GPR158: variants seen among roughly 807,000 people sequenced by gnomAD.
The protein encoded by GPR158 is metabotropic glycine receptor.
In GPR158, 30 loss-of-function variants were observed where a neutral mutation model predicts 78.2. That is an observed-to-expected ratio of 0.38 (90% CI 0.29 to 0.52). The LOEUF (loss-of-function observed/expected upper bound fraction) is 0.52, where lower values mean the gene tolerates loss of function less well. GPR158 is among the 20% of genes least tolerant of loss of function. GPR158 has a pLI of 0.83. For missense variants in GPR158, 1,463 were observed against 1,523.5 expected, an observed-to-expected ratio of 0.96 and a Z score of 0.66; for synonymous variants, 581 against 591.1, an observed-to-expected ratio of 0.98 and a Z score of 0.25.
At chr10:25,290,695 A>G (rs1404000218) in intron 2 of GPR158, among the ~76,000 whole-genome samples, 1 of 152,130 alleles carries the variant, frequency 6.6e-6, no homozygotes, top group Non-Finnish European at 1.5e-5. Context: ...TGTATCAGGC[A>G]AATGATTTCA....
At chr10:25,508,037 C>T (rs1484759984) in intron 5 of GPR158, among the ~76,000 whole-genome samples, 1 of 152,104 alleles carries the variant, frequency 6.6e-6, no homozygotes, top group Non-Finnish European at 1.5e-5. Flanking sequence ...TGGAAATTTC[C>T]ACCTGAATTC....
intron 2 of GPR158, among the ~76,000 whole-genome samples, chr10:25,327,746 A>G (rs1855057132): frequency 6.6e-6 from 1 of 152,236 alleles, no homozygotes; most frequent in African/African-American, 2.4e-5. Context: ...TGGAAACTGA[A>G]AAGTTGACAA....
chr10:25,188,183 A>C (rs1169154190), intron 1 of GPR158, among the ~76,000 whole-genome samples: 1 of 152,198 alleles, frequency 6.6e-6, no homozygotes, highest in Non-Finnish European at 1.5e-5. Context: ...AGGAAGAATC[A>C]ATATCATGAA....
chr10:25,506,923 T>G (rs1243033032), intron 5 of GPR158, among the ~76,000 whole-genome samples: 1 of 152,034 alleles, frequency 6.6e-6, no homozygotes, highest in Non-Finnish European at 1.5e-5. Flanking sequence ...CACAAAGGAG[T>G]TTTGACTGTA....
chr10:25,260,101 A>G (rs76008939), intron 2 of GPR158, among the ~76,000 whole-genome samples: 2,213 of 152,140 alleles, frequency 0.015, 19 homozygotes, highest in Non-Finnish European at 0.025. Flanking sequence ...GAATTTCTAT[A>G]TTTTCCCTGC....
At chr10:25,339,674 C>G (rs992671079) in intron 2 of GPR158, among the ~76,000 whole-genome samples, 2 of 152,004 alleles carry the variant, frequency 1.3e-5, no homozygotes, top group Non-Finnish European at 2.9e-5. Flanking sequence ...TAAGGAAGGT[C>G]CCTTCTCTTC....
intron 5 of GPR158, among the ~76,000 whole-genome samples, chr10:25,486,912 T>G (rs2987837): frequency 0.71 from 107,712 of 151,922 alleles, 38,880 homozygotes; most frequent in East Asian, 0.99. Flanking sequence ...TTTCCAGTTG[T>G]TTTATTTCTA....
chr10:25,595,685 T>C (rs981573454), intron 9 of GPR158, among the ~76,000 whole-genome samples: 2 of 152,194 alleles, frequency 1.3e-5, no homozygotes, highest in Admixed American at 1.3e-4. Flanking sequence ...TGGGCAAATC[T>C]ATAGAAACAT....
Position 25,363,007 on chromosome 10 carries a change from GT to G in GPR158, c.1009-32897del, listed in dbSNP as rs1855663878. Among the ~76,000 whole-genome samples, 4 of 151,670 alleles carry G rather than the reference GT, an allele frequency of 2.6e-5. 1 individual carries two copies. Among genetic ancestry groups the G allele is most frequent in the African/African-American group, 9.7e-5 (4 of 41,410 alleles). ...TGTTCACAATATATGGTTGAATCATGTTTTTTTACATCATTTTTTTCTGCTA... is the reference window on the plus strand; with the variant it reads ...TGTTCACAATATATGGTTGAATCATGTTTTTTACATCATTTTTTTCTGCTA... On this transcript the variant is annotated intron_variant, in intron 2 of 10. Coordinates refer to ENST00000376351, the MANE Select transcript of GPR158 (RefSeq NM_020752.3).
intron 4 of GPR158, among the ~76,000 whole-genome samples, chr10:25,444,871 C>T (rs1339443311): frequency 6.6e-6 from 1 of 152,070 alleles, no homozygotes; most frequent in African/African-American, 2.4e-5. Flanking sequence ...GCTTCTGATC[C>T]ATGACTGAAA....
intron 1 of GPR158, among the ~76,000 whole-genome samples, chr10:25,208,647 C>A (rs111298789): frequency 6.0e-5 from 9 of 150,604 alleles, no homozygotes; most frequent in African/African-American, 2.2e-4. Flanking sequence ...AGCACTGGAA[C>A]TGTGTCACAT....
intron 2 of GPR158, among the ~76,000 whole-genome samples, chr10:25,367,281 A>G (rs1488801871): frequency 6.6e-6 from 1 of 151,656 alleles, no homozygotes; most frequent in Non-Finnish European, 1.5e-5. Flanking sequence ...TGTGTCATAC[A>G]TCATCACTCC....
At chr10:25,522,595 A>G (rs553989937) in intron 5 of GPR158, among the ~76,000 whole-genome samples, 29 of 152,236 alleles carry the variant, frequency 1.9e-4, no homozygotes, top group Non-Finnish European at 3.2e-4. Flanking sequence ...TGAATTCACT[A>G]TAAAGACAGA....
chr10:25,564,806 C>T (rs936753124), intron 6 of GPR158, among the ~76,000 whole-genome samples: 2 of 152,158 alleles, frequency 1.3e-5, no homozygotes, highest in African/African-American at 4.8e-5. Context: ...CTATAAGCTC[C>T]TAAGTAGTTT....
intron 4 of GPR158, among the ~76,000 whole-genome samples, chr10:25,457,330 A>G: frequency 6.6e-6 from 1 of 151,872 alleles, no homozygotes; most frequent in African/African-American, 2.4e-5. Flanking sequence ...AAGTCTAAGC[A>G]AATGCCATTG....
intron 2 of GPR158, among the ~76,000 whole-genome samples, chr10:25,222,071 T>C (rs912488130): frequency 1.3e-5 from 2 of 152,152 alleles, no homozygotes; most frequent in Non-Finnish European, 2.9e-5. Context: ...TAAGCACTTA[T>C]TTGTGCCATT....
chr10:25,470,322 C>T (rs980558592), intron 5 of GPR158, among the ~76,000 whole-genome samples: 2 of 151,904 alleles, frequency 1.3e-5, no homozygotes, highest in African/African-American at 2.4e-5. Context: ...TGTTTAGAGC[C>T]CTCATGTATG....
intron 3 of GPR158, 44 bp from the exon 4 acceptor site, chr10:25,412,206 C>T: frequency 7.6e-7 from 1 of 1,316,146 alleles, no homozygotes; most frequent in South Asian, 1.2e-5. Flanking sequence ...TCTTACCTAC[C>T]TAAGAGGTGC....
chr10:25,402,557 G>T (rs1409782582), intron 3 of GPR158, among the ~76,000 whole-genome samples: 1 of 151,988 alleles, frequency 6.6e-6, no homozygotes, highest in African/African-American at 2.4e-5. Context: ...AAGGGATATA[G>T]AATCTCCATC....
Sources: allele counts gnomAD v4.1 joint callset (sites outside exome capture counted in the v4.1 genomes callset), GRCh38; gene constraint gnomAD v4.1.1; transcripts MANE v1.5; gene names NCBI Gene and HGNC (gene_info 2026-07-23, HGNC 2026-07-21).